Variants in PRKD3 observed in about 807,000 individuals in gnomAD.
The protein encoded by PRKD3 is protein kinase D3.
PRKD3 carries 47 observed loss-of-function variants against 99.2 expected under a neutral mutation model. The ratio of observed to expected loss-of-function variants is 0.47; its 90% confidence interval spans 0.38 to 0.60. The LOEUF (loss-of-function observed/expected upper bound fraction) is 0.60, where lower values mean the gene tolerates loss of function less well. PRKD3 is among the 20% of genes least tolerant of loss of function. PRKD3 has a pLI of 0.00. For missense variants in PRKD3, 1,019 were observed against 1,088.4 expected (o/e 0.94, Z 0.90); for synonymous variants, 392 against 355.4 (o/e 1.10, Z -1.16).
chr2:37,260,916 C>G (rs1263530394), intron 14 of PRKD3, among the ~76,000 whole-genome samples: 2 of 152,136 alleles, frequency 1.3e-5, no homozygotes, highest in Non-Finnish European at 2.9e-5. Flanking sequence ...AACTAGGTTA[C>G]AAGGGTTGGA....
chr2:37,277,268 AT>A (rs1669619057), intron 9 of PRKD3, among the ~76,000 whole-genome samples: 1 of 152,156 alleles, frequency 6.6e-6, no homozygotes, highest in Non-Finnish European at 1.5e-5. Context: ...TATTATGCCA[AT>A]TTTACACAAG....
chr2:37,322,695 A>C (rs1671937031), intron 1 of PRKD3, among the ~76,000 whole-genome samples: 1 of 152,218 alleles, frequency 6.6e-6, no homozygotes, highest in Non-Finnish European at 1.5e-5. Flanking sequence ...TTTTTCCTAC[A>C]TTAAAATGAA....
chr2:37,304,907 G>C (rs2124878036), intron 2 of PRKD3, among the ~76,000 whole-genome samples: 1 of 151,980 alleles, frequency 6.6e-6, no homozygotes, highest in East Asian at 1.9e-4. Flanking sequence ...CCGAATTAAA[G>C]ATCTAGGATC....
At position 37,293,057 on chromosome 2, in the gene PRKD3, G is replaced by T. The variant is rs890411171; in HGVS notation, c.427+76C>A. ...AATAATACAAAGACTAAATATAATC[G>T]AATTGCAGCATTTAGTACAGAAAAT... On this transcript the variant is annotated intron_variant, in intron 3 of 18. Coordinates refer to ENST00000234179, the MANE Select transcript of PRKD3 (RefSeq NM_005813.6). 4 of 1,331,414 alleles carry T rather than the reference G, an allele frequency of 3.0e-6. No individual in the cohort carries two copies. The East Asian group carries it at 9.4e-5, about 31-fold the overall frequency. 82.5% of individuals were successfully genotyped at this position (1,331,414 alleles called of 1,614,324 possible).
chr2:37,264,197 G>A (rs1207513935), intron 14 of PRKD3, among the ~76,000 whole-genome samples: 1 of 152,090 alleles, frequency 6.6e-6, no homozygotes, highest in African/African-American at 2.4e-5. Flanking sequence ...CTGTGTAACT[G>A]TATATAGACA....
At chr2:37,318,503 T>C (rs1671753420) in intron 1 of PRKD3, among the ~76,000 whole-genome samples, 1 of 152,164 alleles carries the variant, frequency 6.6e-6, no homozygotes, top group Admixed American at 6.5e-5. Flanking sequence ...CAGTGCTGTC[T>C]CCACAAGAAC....
intron 7 of PRKD3, among the ~76,000 whole-genome samples, chr2:37,280,338 C>G (rs547944308): frequency 6.6e-6 from 1 of 152,222 alleles, no homozygotes; most frequent in African/African-American, 2.4e-5. Flanking sequence ...AGCCACCACG[C>G]CTGGCCTAAG....
At chr2:37,324,020 A>G (rs919615754) in intron 1 of PRKD3, among the ~76,000 whole-genome samples, 6 of 152,204 alleles carry the variant, frequency 3.9e-5, no homozygotes, top group Admixed American at 1.3e-4. Flanking sequence ...CCAACCGGCA[A>G]TACAGTAGTA....
At position 37,289,512 on chromosome 2, in the gene PRKD3, G is replaced by A; in HGVS notation, c.561C>T (p.Gly187=). ...ATCGTTTATGGTAATTTAATCCACA[G>A]CCTAAACATATTTTACAAGGTAAAA... ...GLVRQGLKCE[G]CGLNYHKRCA... Residue 187 remains glycine (G), a splice_region_variant and synonymous_variant, in exon 5 of 19, where the codon GGC becomes GGT. Coordinates refer to ENST00000234179, the MANE Select transcript of PRKD3 (RefSeq NM_005813.6). 6.2e-7 allele frequency: 1 copy of A among 1,604,378 alleles called. No homozygotes were observed. The highest frequency in any genetic ancestry group is 1.3e-5 in the African/African-American group (1 of 74,498).
chr2:37,324,081 G>C (rs1438036982), intron 1 of PRKD3: 37 of 659,684 alleles, frequency 5.6e-5, no homozygotes, highest in Non-Finnish European at 6.9e-5. Context: ...CAGTGTTTCA[G>C]CTTAAGGAAA....
Position 37,253,158 on chromosome 2 carries a change from AT to A in PRKD3, c.*18del. Reference sequence around the variant, plus strand: ...AGTCCATAAAATGAAATCCTTCCTTATTTAGGTTAGCTCAGTGATTAAGGAT... The same window carrying A: ...AGTCCATAAAATGAAATCCTTCCTTATTAGGTTAGCTCAGTGATTAAGGAT... On this transcript the variant is annotated 3_prime_UTR_variant, in exon 19 of 19. Transcript: ENST00000234179. 4 of 1,574,936 alleles carry A rather than the reference AT, an allele frequency of 2.5e-6. No individual in the cohort carries two copies. The South Asian group carries it at 4.6e-5, about 18-fold the overall frequency.
Position 37,297,469 on chromosome 2 carries a change from T to G in PRKD3, c.289-4198A>C, listed in dbSNP as rs79534194. 3.9e-5 allele frequency among the ~76,000 whole-genome samples: 6 copies of G among 152,298 alleles called. No homozygotes were observed. The East Asian group carries it at 1.2e-3, about 29-fold the overall frequency. On this transcript the variant is annotated intron_variant, in intron 2 of 18. Coordinates refer to ENST00000234179, the MANE Select transcript of PRKD3 (RefSeq NM_005813.6). ...AGTTACATGCTATATTTATTACAAT[T>G]AATAACCCAATATCCATACATTATC... is the stretch of plus-strand genomic sequence containing the variant.
chr2:37,281,289 C>G (rs572479438), intron 7 of PRKD3, among the ~76,000 whole-genome samples: 1 of 152,108 alleles, frequency 6.6e-6, no homozygotes, highest in Non-Finnish European at 1.5e-5. Context: ...AACACAAATA[C>G]ATGAAGTATA....
At chr2:37,257,509 C>T (rs2148485034) in intron 16 of PRKD3, among the ~76,000 whole-genome samples, 1 of 151,616 alleles carries the variant, frequency 6.6e-6, no homozygotes, top group South Asian at 2.1e-4. Flanking sequence ...ACTGAAGATA[C>T]AAAAAAATTA....
chr2:37,252,084 A>G lies in PRKD3; in HGVS notation c.*1093T>C, dbSNP rs1197289468. 6.6e-6 allele frequency: 1 copy of G among 152,160 alleles called. No individual in the cohort carries two copies. Among genetic ancestry groups the G allele is most frequent in the African/African-American group, 2.4e-5 (1 of 41,422 alleles). 9.4% of individuals were successfully genotyped at this position (152,160 alleles called of 1,614,324 possible). A position where few individuals can be genotyped will look rare whatever the true frequency, so the allele number is the denominator to read the frequency against. On this transcript the variant is annotated 3_prime_UTR_variant, in exon 19 of 19. Coordinates refer to ENST00000234179, the MANE Select transcript of PRKD3 (RefSeq NM_005813.6). The stretch of plus-strand genomic sequence containing the variant: ...GCTGATAATACAGCCCCAGCCTTAT[A>G]AACTGTTTCATGCTCCACTCCTACA...
At chr2:37,260,528 A>G (rs1021012986) in intron 14 of PRKD3, 144 bp from the exon 15 acceptor site, 9 of 778,174 alleles carry the variant, frequency 1.2e-5, no homozygotes, top group Admixed American at 2.8e-5. Context: ...ATTACAATCA[A>G]TGAAAAGGAT....
chr2:37,257,199 G>A (rs553808959), intron 16 of PRKD3, among the ~76,000 whole-genome samples: 1 of 152,208 alleles, frequency 6.6e-6, no homozygotes, highest in South Asian at 2.1e-4. Context: ...TACCAGACTG[G>A]TGTTATAAGT....
chr2:37,285,801 T>C (rs944559935), intron 6 of PRKD3, among the ~76,000 whole-genome samples: 2 of 152,128 alleles, frequency 1.3e-5, no homozygotes, highest in Non-Finnish European at 2.9e-5. Flanking sequence ...TCTATGTCTA[T>C]AAAATGAAAT....
At position 37,307,907 on chromosome 2, in the gene PRKD3, ATTC is replaced by A. The variant is rs551897999; in HGVS notation, c.288+8327_288+8329del. Among the ~76,000 whole-genome samples the A allele has an allele frequency of 2.2e-3, 342 of 152,350 alleles. 1 individual carries two copies. Among genetic ancestry groups the A allele is most frequent in the Admixed American group, 3.5e-3 (54 of 15,308 alleles). ...AACCTCAGTGTATATGTTTTGTGAT[ATTC>A]TTGTTAGAATTTAATCTAGTTTTTA... is the stretch of plus-strand genomic sequence containing the variant. On this transcript the variant is annotated intron_variant, in intron 2 of 18. Transcript: ENST00000234179.
Sources: allele counts gnomAD v4.1 joint callset (sites outside exome capture counted in the v4.1 genomes callset), GRCh38; gene constraint gnomAD v4.1.1; transcripts MANE v1.5; gene names NCBI Gene and HGNC (gene_info 2026-07-23, HGNC 2026-07-21).